The following SYNPO variants were observed in gnomAD, a reference collection of about 807,000 sequenced individuals.
The protein encoded by SYNPO is synaptopodin.
Under a neutral mutation model 49.5 loss-of-function variants are expected in SYNPO, and 19 were observed. The observed-to-expected ratio is 0.38, with a 90% confidence interval of 0.27 to 0.56. The LOEUF (loss-of-function observed/expected upper bound fraction) is 0.56, where lower values mean the gene tolerates loss of function less well. SYNPO is among the 20% of genes least tolerant of loss of function. The probability of loss-of-function intolerance (pLI) is 0.68; values close to 1 mark genes in which losing one functional copy is unlikely to be tolerated. For synonymous variants in SYNPO, 536 were observed against 548.0 expected, an observed-to-expected ratio of 0.98 and a Z score of 0.31; for missense variants, 1,131 against 1,248.3, an observed-to-expected ratio of 0.91 and a Z score of 1.42.
chr5:150,614,086 T>C (rs903793855), intron 1 of SYNPO, among the ~76,000 whole-genome samples: 3 of 152,232 alleles, frequency 2.0e-5, no homozygotes, highest in Admixed American at 2.0e-4. Context: ...CAGCAATGCT[T>C]CCTCATTCCC....
the SYNPO span, among the ~76,000 whole-genome samples, chr5:150,590,788 G>A: frequency 1.3e-5 from 2 of 152,172 alleles, no homozygotes; most frequent in Non-Finnish European, 2.9e-5. Flanking sequence ...GAAGGGTCTC[G>A]AAAAGGAAGG....
chr5:150,622,774 A>G (rs1374577616), intron 2 of SYNPO, among the ~76,000 whole-genome samples: 4 of 151,744 alleles, frequency 2.6e-5, no homozygotes, highest in African/African-American at 7.3e-5. Flanking sequence ...GAAGCTGCCT[A>G]CTCCCCCTCC....
intron 2 of SYNPO, among the ~76,000 whole-genome samples, chr5:150,631,951 T>C (rs1044610789): frequency 3.3e-5 from 5 of 152,102 alleles, no homozygotes; most frequent in Non-Finnish European, 5.9e-5. Context: ...AGGGTCAGCT[T>C]GTGTCTGAAT....
the SYNPO span, among the ~76,000 whole-genome samples, chr5:150,588,384 C>A: frequency 1.3e-5 from 2 of 152,332 alleles, no homozygotes; most frequent in East Asian, 3.9e-4. Context: ...TGGACTTCTG[C>A]AACCCCAGCC....
intron 2 of SYNPO, among the ~76,000 whole-genome samples, chr5:150,620,877 CTTTTTCTT>C (rs1310328236): frequency 9.4e-5 from 14 of 148,652 alleles, no homozygotes; most frequent in South Asian, 2.1e-4. Flanking sequence ...TCATTCCTTT[CTTTTTCTT>C]TTTTTCTTTT....
At position 150,607,914 on chromosome 5, in the gene SYNPO, T is replaced by C. The variant is rs370335848; in HGVS notation, c.-266+6726T>C. On this transcript the variant is annotated intron_variant, in intron 1 of 2. Transcript: ENST00000394243. Reference sequence around the variant, plus strand: ...GTTAATGAGAAATTTTACATTCTTTTTTTGGTACTAAGTCTTGGAAATCTG... The same window carrying C: ...GTTAATGAGAAATTTTACATTCTTTCTTTGGTACTAAGTCTTGGAAATCTG... Among the ~76,000 whole-genome samples the C allele has an allele frequency of 1.1e-4, 17 of 152,388 alleles. No individual in the cohort carries two copies. In the South Asian group the frequency reaches 2.7e-3, roughly 24 times the overall value.
chr5:150,636,968 C>T (rs74869987), upstream of SYNPO, among the ~76,000 whole-genome samples: 1 of 152,130 alleles, frequency 6.6e-6, no homozygotes, highest in Non-Finnish European at 1.5e-5. Flanking sequence ...TTAACCACCC[C>T]CCAATGTGTG....
intron 2 of SYNPO, chr5:150,652,180 A>T: frequency 1.0e-6 from 1 of 1,001,522 alleles, no homozygotes; most frequent in Non-Finnish European, 1.2e-6. Flanking sequence ...GGCCTCTCCC[A>T]GAACAGAGTG....
chr5:150,625,719 C>G (rs1340984886), intron 2 of SYNPO, among the ~76,000 whole-genome samples: 1 of 152,192 alleles, frequency 6.6e-6, no homozygotes, highest in African/African-American at 2.4e-5. Context: ...TTTGAGGACT[C>G]AGGAAAAGGT....
chr5:150,602,393 A>G (rs1178000652), intron 1 of SYNPO, among the ~76,000 whole-genome samples: 2 of 152,228 alleles, frequency 1.3e-5, no homozygotes, highest in Non-Finnish European at 2.9e-5. Flanking sequence ...AGACGGTGCC[A>G]TGTAGACTGC....
the SYNPO span, among the ~76,000 whole-genome samples, chr5:150,595,950 C>G: frequency 5.3e-5 from 8 of 152,182 alleles, no homozygotes; most frequent in Non-Finnish European, 1.2e-4. Flanking sequence ...AGGAGAGAAG[C>G]ATGGAGGGGC....
chr5:150,598,649 C>T (rs1350080849), upstream of SYNPO, among the ~76,000 whole-genome samples: 1 of 152,200 alleles, frequency 6.6e-6, no homozygotes, highest in Admixed American at 6.5e-5. Context: ...TATCCCAGTA[C>T]CTGGGAAACT....
exon 2 of SYNPO, chr5:150,618,125 C>T (rs1757031949): frequency 2.1e-6 from 1 of 479,968 alleles, no homozygotes; most frequent in Non-Finnish European, 3.6e-6. Context: ...CGGCCTCACA[C>T]CAGAGACGGG....
chr5:150,642,930 C>A (rs567384081), intron 1 of SYNPO, among the ~76,000 whole-genome samples: 14 of 152,328 alleles, frequency 9.2e-5, no homozygotes, highest in Non-Finnish European at 1.9e-4. Context: ...GTGCATGGAG[C>A]CTCACTGAGA....
intron 2 of SYNPO, chr5:150,624,670 G>A: frequency 4.7e-6 from 1 of 213,786 alleles, no homozygotes; most frequent in Non-Finnish European, 8.0e-6. Flanking sequence ...GGCAGCAGGA[G>A]CACGGCTCAC....
intron 1 of SYNPO, among the ~76,000 whole-genome samples, chr5:150,615,586 G>A (rs1401076332): frequency 1.3e-5 from 2 of 152,216 alleles, no homozygotes; most frequent in African/African-American, 4.8e-5. Context: ...GGTGTCCTCC[G>A]GGAATCTGAC....
At chr5:150,627,192 C>T (rs1413996190) in intron 2 of SYNPO, among the ~76,000 whole-genome samples, 3 of 152,190 alleles carry the variant, frequency 2.0e-5, no homozygotes, top group African/African-American at 7.2e-5. Flanking sequence ...GGGAAGCAGG[C>T]AGGGCTGCCC....
At chr5:150,603,687 G>A (rs1335439825) in intron 1 of SYNPO, among the ~76,000 whole-genome samples, 1 of 152,166 alleles carries the variant, frequency 6.6e-6, no homozygotes, top group African/African-American at 2.4e-5. Context: ...CTTGGGTAGG[G>A]ACGAATTCAC....
intron 2 of SYNPO, among the ~76,000 whole-genome samples, chr5:150,624,352 T>C (rs1454471962): frequency 6.6e-6 from 1 of 151,732 alleles, no homozygotes; most frequent in African/African-American, 2.4e-5. Context: ...GGGGACAGAA[T>C]CACAAAGGCA....
Sources: gnomAD v4.1 joint callset for allele counts (sites outside exome capture counted in the v4.1 genomes callset) on GRCh38, gnomAD v4.1.1 for gene constraint, MANE v1.5 for transcripts, NCBI Gene and HGNC (gene_info 2026-07-23, HGNC 2026-07-21) for gene names.